LNPEP: variants seen among roughly 807,000 people sequenced by gnomAD.
The protein encoded by LNPEP is leucyl and cystinyl aminopeptidase.
A neutral mutation model predicts 120.6 loss-of-function variants in LNPEP; 64 were observed. The ratio of observed to expected loss-of-function variants is 0.53; its 90% CI spans 0.43 to 0.65. The LOEUF is 0.65. Among genes scored for constraint, LNPEP ranks in the 30% least tolerant of loss-of-function variants. The pLI is 0.00. For synonymous variants in LNPEP, 435 were observed against 425.4 expected (o/e 1.02, Z -0.28); for missense variants, 1,057 against 1,200.0 (o/e 0.88, Z 1.76).
chr5:96,943,142 A>G, intron 1 of LNPEP: 1 of 513,406 alleles, frequency 1.9e-6, no homozygotes, highest in East Asian at 5.6e-5. Flanking sequence ...TACTTCCATC[A>G]TTATTGAGCC....
At chr5:97,012,401 A>G (rs939136334) in intron 11 of LNPEP, among the ~76,000 whole-genome samples, 2 of 152,086 alleles carry the variant, frequency 1.3e-5, no homozygotes, top group Admixed American at 1.3e-4. Flanking sequence ...TGTTACTTTA[A>G]AAGGGGGTAA....
At position 97,017,106 on chromosome 5, in the gene LNPEP, A is replaced by C. The variant is rs112539231; in HGVS notation, c.2376+2011A>C. ...CAATTTACACTTAGCAGTATATGAG[A>C]ATTCTAGGTGCTCTAGATCTTTTCT... On this transcript the variant is annotated intron_variant, in intron 13 of 17. Transcript: ENST00000231368. Among the ~76,000 whole-genome samples the C allele has an allele frequency of 7.5e-3, 1,144 of 152,304 alleles. 19 individuals carry two copies. Among genetic ancestry groups the C allele is most frequent in the African/African-American group, 0.026 (1,077 of 41,564 alleles).
rs368834666 is a variant in LNPEP, at chr5:96,987,476, C to G, written c.1131+806C>G. ...GAATATACTGCTAGTTTTGGGTTTCCTTTCTAGACTAAAGAGCTTTATATT... is the reference window on the plus strand; with the variant it reads ...GAATATACTGCTAGTTTTGGGTTTCGTTTCTAGACTAAAGAGCTTTATATT... On this transcript the variant is annotated intron_variant, in intron 4 of 17. Coordinates refer to ENST00000231368, the MANE Select transcript of LNPEP (RefSeq NM_005575.3). Among the ~76,000 whole-genome samples the G allele has an allele frequency of 2.0e-4, 30 of 152,150 alleles. 1 individual carries two copies. The highest frequency in any genetic ancestry group is 9.6e-4 in the East Asian group (5 of 5,188).
At chr5:96,965,182 C>T (rs1789698519) in intron 1 of LNPEP, among the ~76,000 whole-genome samples, 1 of 152,018 alleles carries the variant, frequency 6.6e-6, no homozygotes, top group Non-Finnish European at 1.5e-5. Context: ...TTCGATAGTA[C>T]AGTAGTAGGT....
chr5:96,945,765 C>T (rs6870825), intron 1 of LNPEP, among the ~76,000 whole-genome samples: 66,994 of 151,784 alleles, frequency 0.44, 14,911 homozygotes, highest in Non-Finnish European at 0.49. Context: ...TGCCCTTGGC[C>T]GTTCAGTCAG....
chr5:96,940,796 G>A (rs947556866), intron 1 of LNPEP, among the ~76,000 whole-genome samples: 29 of 152,186 alleles, frequency 1.9e-4, no homozygotes, highest in African/African-American at 6.8e-4. Flanking sequence ...CAGTCGAGGT[G>A]AGGTCAGTGC....
Position 97,022,410 on chromosome 5 carries a change from C to T in LNPEP, c.2487C>T (p.Thr829=). Residue 829 remains threonine, a synonymous_variant, in exon 14 of 18, where the codon ACC becomes ACT. Transcript: ENST00000231368. ...CAGCCCTGCTAGAGTTTGCTTGCACCCACAACCTGGGGAACTGCTCTACTA... is the reference window on the plus strand; with the variant it reads ...CAGCCCTGCTAGAGTTTGCTTGCACTCACAACCTGGGGAACTGCTCTACTA... The part of the protein sequence containing the change: ...LRSALLEFAC[T]HNLGNCSTTA... The T allele has an allele frequency of 1.9e-6, 3 of 1,614,036 alleles. No individual in the cohort carries two copies. The highest frequency in any genetic ancestry group is 2.5e-6 in the Non-Finnish European group (3 of 1,179,950).
rs1404399373 is a variant in LNPEP, at chr5:97,032,119, G to C, written c.*3586G>C. On this transcript the variant is annotated 3_prime_UTR_variant, in exon 18 of 18. Coordinates refer to ENST00000231368, the MANE Select transcript of LNPEP (RefSeq NM_005575.3). ...CATTTCCTGGGCTGCAAAACTAGAT[G>C]TGGATTTTGTTACTTAGGCCTCTCT... 6.6e-6 allele frequency: 1 copy of C among 152,140 alleles called. No individual in the cohort carries two copies. Among genetic ancestry groups the C allele is most frequent in the Non-Finnish European group, 1.5e-5 (1 of 68,038 alleles). 9.4% of individuals were successfully genotyped at this position (152,140 alleles called of 1,614,324 possible).
chr5:96,945,370 C>T (rs1327168438), intron 1 of LNPEP, among the ~76,000 whole-genome samples: 2 of 141,596 alleles, frequency 1.4e-5, no homozygotes, highest in African/African-American at 5.4e-5. Context: ...CATGCCACTG[C>T]ACTGCAGCCT....
At chr5:96,972,668 G>A (rs928192531) in intron 1 of LNPEP, among the ~76,000 whole-genome samples, 8 of 152,024 alleles carry the variant, frequency 5.3e-5, no homozygotes, top group African/African-American at 1.9e-4. Flanking sequence ...TCACTCAGAG[G>A]TCACACTCTG....
At chr5:97,003,815 T>A (rs1189835929) in intron 9 of LNPEP, among the ~76,000 whole-genome samples, 1 of 152,012 alleles carries the variant, frequency 6.6e-6, no homozygotes, top group Non-Finnish European at 1.5e-5. Context: ...TAACTTCTAT[T>A]CCTATTTTGT....
chr5:96,994,756 C>G lies in LNPEP; in HGVS notation c.1407+785C>G, dbSNP rs142877019. On this transcript the variant is annotated intron_variant, in intron 6 of 17. Transcript: ENST00000231368. The stretch of plus-strand genomic sequence containing the variant: ...TCTACATCAAACACCTTATATGAAT[C>G]TAGCCTTTGTGAAGACTTCATGACA... Among the ~76,000 whole-genome samples, 5 of 152,280 alleles carry G rather than the reference C, an allele frequency of 3.3e-5. No individual in the cohort carries two copies. The East Asian group carries it at 9.6e-4, about 29-fold the overall frequency.
intron 13 of LNPEP, among the ~76,000 whole-genome samples, chr5:97,020,917 A>AC (rs1791179081): frequency 6.6e-6 from 1 of 151,604 alleles, no homozygotes. Flanking sequence ...ATGTGCCCTC[A>AC]CCCCCCACCC....
At chr5:96,951,891 T>C (rs1561428732) in intron 1 of LNPEP, among the ~76,000 whole-genome samples, 1 of 152,202 alleles carries the variant, frequency 6.6e-6, no homozygotes, top group Non-Finnish European at 1.5e-5. Context: ...GCTTTTAGTA[T>C]ACTAAACTTG....
chr5:97,024,935 C>G (rs1262577378), intron 15 of LNPEP, among the ~76,000 whole-genome samples: 1 of 152,136 alleles, frequency 6.6e-6, no homozygotes, highest in African/African-American at 2.4e-5. Context: ...CTCAAAAAGT[C>G]TTCCTCCCCT....
chr5:97,036,980 G>T lies in LNPEP; in HGVS notation c.*8447G>T, dbSNP rs1421180213. The T allele has an allele frequency of 6.6e-6, 1 of 152,100 alleles. No homozygotes were observed. The highest frequency in any genetic ancestry group is 2.4e-5 in the African/African-American group (1 of 41,434). 9.4% of individuals were successfully genotyped at this position (152,100 alleles called of 1,614,324 possible). A position where few individuals can be genotyped will look rare whatever the true frequency, so the allele number is the denominator to read the frequency against. The stretch of plus-strand genomic sequence containing the variant: ...AAGTAAAGGTCATGGCTTAGCTGAA[G>T]GAAATGCTCCAGAAATTGGACTGTG... On this transcript the variant is annotated 3_prime_UTR_variant, in exon 18 of 18. Coordinates refer to ENST00000231368, the MANE Select transcript of LNPEP (RefSeq NM_005575.3).
At chr5:96,949,071 AG>A (rs1208897376) in intron 1 of LNPEP, among the ~76,000 whole-genome samples, 1 of 152,218 alleles carries the variant, frequency 6.6e-6, no homozygotes, top group Non-Finnish European at 1.5e-5. Flanking sequence ...AGCCTTAGTG[AG>A]GTTTTGAAAA....
At chr5:96,995,526 C>G (rs1381279118) in intron 6 of LNPEP, among the ~76,000 whole-genome samples, 2 of 145,268 alleles carry the variant, frequency 1.4e-5, no homozygotes, top group African/African-American at 5.0e-5. Context: ...TATATGCCAT[C>G]TTTTTTTTTT....
chr5:96,997,526 A>G (rs1790543309), intron 7 of LNPEP, among the ~76,000 whole-genome samples: 1 of 152,100 alleles, frequency 6.6e-6, no homozygotes, highest in African/African-American at 2.4e-5. Context: ...TTAAAGAATT[A>G]TTTCTGTTTA....
Sources: allele counts gnomAD v4.1 joint callset (sites outside exome capture counted in the v4.1 genomes callset), GRCh38; gene constraint gnomAD v4.1.1; transcripts MANE v1.5; gene names NCBI Gene and HGNC (gene_info 2026-07-23, HGNC 2026-07-21).